The following EGFLAM variants were observed in gnomAD, a reference collection of about 807,000 sequenced individuals.
EGFLAM encodes the protein pikachurin.
A neutral mutation model predicts 113.1 loss-of-function variants in EGFLAM; 79 were observed. The ratio of observed to expected loss-of-function variants is 0.70; its 90% CI spans 0.58 to 0.84. EGFLAM has a LOEUF of 0.84. EGFLAM is among the 40% of genes least tolerant of loss of function. The pLI, the probability that EGFLAM is intolerant of heterozygous loss-of-function variation, is 0.00. For missense variants in EGFLAM, 1,265 were observed against 1,291.6 expected (o/e 0.98, Z 0.32); for synonymous variants, 504 against 487.6 (o/e 1.03, Z -0.44).
At chr5:38,419,099 C>T (rs1202098697) in intron 12 of EGFLAM, among the ~76,000 whole-genome samples, 1 of 152,186 alleles carries the variant, frequency 6.6e-6, no homozygotes. Context: ...GGGATCTTTC[C>T]TCCATGTGTG....
chr5:38,450,410 C>T (rs565375607), intron 18 of EGFLAM, among the ~76,000 whole-genome samples: 3 of 152,200 alleles, frequency 2.0e-5, no homozygotes, highest in Non-Finnish European at 4.4e-5. Flanking sequence ...ATAGTTCCCT[C>T]CACTGTTCAC....
At chr5:38,333,474 A>G (rs942504775) in intron 1 of EGFLAM, among the ~76,000 whole-genome samples, 4 of 151,994 alleles carry the variant, frequency 2.6e-5, no homozygotes, top group African/African-American at 9.7e-5. Context: ...TTATTTTTTG[A>G]CTTTTTAATA....
At chr5:38,451,907 G>A (rs767918481) in intron 19 of EGFLAM, among the ~76,000 whole-genome samples, 1 of 149,366 alleles carries the variant, frequency 6.7e-6, no homozygotes, top group Non-Finnish European at 1.5e-5. Context: ...CAGGAAAATG[G>A]CTTGAACCCA....
chr5:38,400,634 G>A (rs188260054), intron 6 of EGFLAM, among the ~76,000 whole-genome samples: 218 of 152,252 alleles, frequency 1.4e-3, no homozygotes, highest in Middle Eastern at 6.8e-3. Context: ...TTAGTTCCAG[G>A]TTTCTTCCAT....
At position 38,418,255 on chromosome 5, in the gene EGFLAM, G is replaced by A. The variant is rs868504934; in HGVS notation, c.1684G>A (p.Gly562Arg). 12 of 1,612,866 alleles carry A rather than the reference G, an allele frequency of 7.4e-6. No homozygotes were observed. Among genetic ancestry groups the A allele is most frequent in the South Asian group, 1.1e-5 (1 of 90,868 alleles). Residue 562 changes from glycine (G) to arginine (R), a missense_variant and splice_region_variant, in exon 12 of 22, where the codon GGG (glycine) becomes AGG (arginine). Gly to Arg is a moderately radical substitution (Grantham distance 125). Coordinates refer to ENST00000322350, the MANE Select transcript of EGFLAM (RefSeq NM_152403.4). ...LGKALSGADVGECSSGICDEA... is the reference protein window; with the variant it reads ...LGKALSGADVRECSSGICDEA... Reference sequence around the variant, plus strand: ...AAAAGCACTCAGTGGGGCTGATGTGGGTAAGTGGCTGCCTGGTGGGTTGGG... The same window carrying A: ...AAAAGCACTCAGTGGGGCTGATGTGAGTAAGTGGCTGCCTGGTGGGTTGGG...
At chr5:38,391,866 TC>T (rs1012082997) in intron 6 of EGFLAM, among the ~76,000 whole-genome samples, 2 of 151,696 alleles carry the variant, frequency 1.3e-5, no homozygotes, top group African/African-American at 4.8e-5. Flanking sequence ...AAACTCTACC[TC>T]CCAGGTTCAA....
At chr5:38,263,993 G>C (rs540442699) in intron 1 of EGFLAM, among the ~76,000 whole-genome samples, 43 of 152,250 alleles carry the variant, frequency 2.8e-4, no homozygotes, top group Admixed American at 2.6e-3. Context: ...CAGTAGATAG[G>C]GTATAGATCG....
intron 1 of EGFLAM, among the ~76,000 whole-genome samples, chr5:38,313,017 G>T (rs900374442): frequency 2.0e-5 from 3 of 152,168 alleles, no homozygotes; most frequent in Admixed American, 6.5e-5. Flanking sequence ...GAACCCCGGA[G>T]GTGGAGGTTG....
intron 17 of EGFLAM, among the ~76,000 whole-genome samples, chr5:38,439,853 A>G (rs1742476043): frequency 6.6e-6 from 1 of 152,202 alleles, no homozygotes; most frequent in African/African-American, 2.4e-5. Context: ...TAAGTCTCCA[A>G]TTTTACCACA....
At chr5:38,272,099 T>A (rs1757779372) in intron 1 of EGFLAM, among the ~76,000 whole-genome samples, 1 of 152,146 alleles carries the variant, frequency 6.6e-6, no homozygotes, top group South Asian at 2.1e-4. Context: ...TTTGAAGCAA[T>A]ATATAATTTA....
At chr5:38,439,121 A>C (rs2961879) in intron 17 of EGFLAM, among the ~76,000 whole-genome samples, 27,517 of 152,154 alleles carry the variant, frequency 0.18, 3,271 homozygotes, top group African/African-American at 0.34. Flanking sequence ...GTACTCAAGC[A>C]ACCAACAAAT....
At chr5:38,260,879 G>T (rs1371077576) in intron 1 of EGFLAM, among the ~76,000 whole-genome samples, 1 of 152,144 alleles carries the variant, frequency 6.6e-6, no homozygotes, top group Non-Finnish European at 1.5e-5. Context: ...GCTCTGATGT[G>T]AGCAGCAACT....
chr5:38,402,022 T>A (rs1318504019), intron 6 of EGFLAM: 1 of 152,238 alleles, frequency 6.6e-6, no homozygotes, highest in Non-Finnish European at 1.5e-5. Flanking sequence ...TTTGGTCTTC[T>A]GATGGCACAC....
At chr5:38,420,173 CA>C (rs1323804083) in intron 12 of EGFLAM, among the ~76,000 whole-genome samples, 1 of 152,190 alleles carries the variant, frequency 6.6e-6, no homozygotes, top group Non-Finnish European at 1.5e-5. Flanking sequence ...ACCCTCTTAC[CA>C]AAATCAGCTA....
intron 1 of EGFLAM, among the ~76,000 whole-genome samples, chr5:38,301,369 G>A (rs1442528482): frequency 6.6e-6 from 1 of 152,130 alleles, no homozygotes; most frequent in Non-Finnish European, 1.5e-5. Flanking sequence ...AGAACTGGCC[G>A]TGGGGTTTAA....
At chr5:38,269,501 T>C (rs1359164054) in intron 1 of EGFLAM, among the ~76,000 whole-genome samples, 4 of 151,328 alleles carry the variant, frequency 2.6e-5, no homozygotes, top group Admixed American at 1.3e-4. Context: ...TCTTTTTTTT[T>C]TTTTTTTAGA....
chr5:38,278,856 ACAAATGGGATCCAT>A (rs1255213277), intron 1 of EGFLAM, among the ~76,000 whole-genome samples: 1 of 152,162 alleles, frequency 6.6e-6, no homozygotes, highest in Non-Finnish European at 1.5e-5. Flanking sequence ...AAGGAAAAAG[ACAAATGGGATCCAT>A]CAAACTAAAA....
intron 1 of EGFLAM, among the ~76,000 whole-genome samples, chr5:38,287,725 G>A (rs912320231): frequency 5.9e-5 from 9 of 152,142 alleles, no homozygotes; most frequent in Admixed American, 5.2e-4. Flanking sequence ...TCATCTAGTT[G>A]GAATGAACTC....
chr5:38,459,283 G>A lies in EGFLAM; in HGVS notation c.2771+889G>A, dbSNP rs138397698. ...GCCTCCCAAAGTGTTGGGATTACAG[G>A]CATGAGCCACTGCACCTGGCCACTT... On this transcript the variant is annotated intron_variant, in intron 20 of 21. Coordinates refer to ENST00000322350, the MANE Select transcript of EGFLAM (RefSeq NM_152403.4). Among the ~76,000 whole-genome samples, 25 of 151,346 alleles carry A rather than the reference G, an allele frequency of 1.7e-4. No homozygotes were observed. The East Asian group carries it at 3.7e-3, about 22-fold the overall frequency.
Sources: gnomAD v4.1 joint callset for allele counts (sites outside exome capture counted in the v4.1 genomes callset) on GRCh38, gnomAD v4.1.1 for gene constraint, MANE v1.5 for transcripts, NCBI Gene and HGNC (gene_info 2026-07-23, HGNC 2026-07-21) for gene names.